Variants in LRRTM4 observed in about 807,000 individuals in gnomAD.
LRRTM4 encodes leucine rich repeat transmembrane neuronal 4, also known as leucine-rich repeat transmembrane neuronal protein 4.
LRRTM4 carries 25 observed loss-of-function variants against 47.6 expected under a neutral mutation model. That is an observed-to-expected ratio of 0.53 (90% CI 0.38 to 0.73). The LOEUF is 0.73. Ranked by LOEUF, LRRTM4 falls within the 30% of genes least tolerant of loss-of-function variation. The pLI, the probability that LRRTM4 is intolerant of heterozygous loss-of-function variation, is 0.00. For missense variants in LRRTM4, 638 were observed against 713.4 expected (o/e 0.89, Z 1.20); for synonymous variants, 311 against 269.5 (o/e 1.15, Z -1.51).
At chr2:77,315,620 C>A (rs1677595815) in intron 3 of LRRTM4, among the ~76,000 whole-genome samples, 1 of 152,160 alleles carries the variant, frequency 6.6e-6, no homozygotes, top group Non-Finnish European at 1.5e-5. Context: ...CTTCCTGACT[C>A]TAGACCCTAA....
intron 3 of LRRTM4, among the ~76,000 whole-genome samples, chr2:76,751,273 T>TCA (rs1672840247): frequency 2.0e-5 from 3 of 152,180 alleles, no homozygotes; most frequent in Admixed American, 6.5e-5. Context: ...ATTAAATCAA[T>TCA]ATGTAATGCT....
intron 3 of LRRTM4, among the ~76,000 whole-genome samples, chr2:77,086,755 A>G (rs1680731009): frequency 6.6e-6 from 1 of 152,146 alleles, no homozygotes; most frequent in African/African-American, 2.4e-5. Context: ...ACAGCCTCCC[A>G]AAGTGCTGAG....
At chr2:77,049,869 A>C (rs1352294572) in intron 3 of LRRTM4, among the ~76,000 whole-genome samples, 2 of 151,978 alleles carry the variant, frequency 1.3e-5, no homozygotes, top group African/African-American at 2.4e-5. Context: ...CTTTGCCCAG[A>C]CCAATGTTCT....
intron 3 of LRRTM4, among the ~76,000 whole-genome samples, chr2:77,140,759 G>A (rs1672097597): frequency 6.6e-6 from 1 of 152,156 alleles, no homozygotes; most frequent in African/African-American, 2.4e-5. Context: ...AATCTGCAAT[G>A]AACTCCAACA....
chr2:77,286,485 T>C (rs12472334), intron 3 of LRRTM4, among the ~76,000 whole-genome samples: 5,229 of 151,964 alleles, frequency 0.034, 184 homozygotes, highest in South Asian at 0.1. Context: ...ATATACTAAA[T>C]GTTAACTAAC....
chr2:77,334,384 T>A (rs778163400), intron 3 of LRRTM4, among the ~76,000 whole-genome samples: 1 of 152,160 alleles, frequency 6.6e-6, no homozygotes, highest in African/African-American at 2.4e-5. Context: ...TTCCCACAAT[T>A]GCCACATTTC....
chr2:76,772,520 C>A (rs921241757), intron 3 of LRRTM4, among the ~76,000 whole-genome samples: 4 of 152,128 alleles, frequency 2.6e-5, no homozygotes, highest in Non-Finnish European at 4.4e-5. Context: ...AAAATCATAA[C>A]CTAGTTGTAA....
At chr2:76,896,846 T>G (rs969178717) in intron 3 of LRRTM4, among the ~76,000 whole-genome samples, 2 of 148,178 alleles carry the variant, frequency 1.3e-5, no homozygotes, top group African/African-American at 5.0e-5. Context: ...TTGGCAATAC[T>G]AGATACATCT....
intron 3 of LRRTM4, among the ~76,000 whole-genome samples, chr2:77,062,627 G>A (rs892297177): frequency 1.3e-5 from 2 of 152,134 alleles, no homozygotes; most frequent in African/African-American, 4.8e-5. Context: ...GAATAGAGGA[G>A]GAGAGGCAGG....
chr2:76,777,227 G>A (rs1023828511), intron 3 of LRRTM4, among the ~76,000 whole-genome samples: 4 of 150,632 alleles, frequency 2.7e-5, no homozygotes, highest in Admixed American at 2.6e-4. Flanking sequence ...GCTTAGGATT[G>A]ACTTGGCCAT....
intron 3 of LRRTM4, among the ~76,000 whole-genome samples, chr2:76,854,814 T>C (rs1672100508): frequency 6.7e-6 from 1 of 148,444 alleles, no homozygotes; most frequent in African/African-American, 2.5e-5. Flanking sequence ...AGAAAATCCT[T>C]TTTTTTTTTT....
chr2:76,958,887 A>G (rs1241431999), intron 3 of LRRTM4, among the ~76,000 whole-genome samples: 2 of 151,774 alleles, frequency 1.3e-5, no homozygotes, highest in East Asian at 2.0e-4. Flanking sequence ...CCACCACCCA[A>G]GTATCTTGCT....
intron 3 of LRRTM4, among the ~76,000 whole-genome samples, chr2:76,863,831 T>C (rs896456475): frequency 6.6e-6 from 1 of 152,178 alleles, no homozygotes; most frequent in Non-Finnish European, 1.5e-5. Flanking sequence ...AAAGTAATCA[T>C]ATCTCATATC....
At chr2:76,820,654 A>G (rs1054276266) in intron 3 of LRRTM4, among the ~76,000 whole-genome samples, 6 of 151,732 alleles carry the variant, frequency 4.0e-5, no homozygotes, top group Non-Finnish European at 5.9e-5. Flanking sequence ...CCTATAGAGA[A>G]TTACTTACAA....
intron 3 of LRRTM4, among the ~76,000 whole-genome samples, chr2:77,234,454 T>TA (rs2103976704): frequency 6.6e-6 from 1 of 152,300 alleles, no homozygotes; most frequent in African/African-American, 2.4e-5. Context: ...TCTACAAGTG[T>TA]AAAAAATGTA....
intron 3 of LRRTM4, among the ~76,000 whole-genome samples, chr2:76,789,267 G>A (rs1324132014): frequency 6.6e-6 from 1 of 152,130 alleles, no homozygotes; most frequent in African/African-American, 2.4e-5. Flanking sequence ...ACAAACAGCA[G>A]GGAGAACACA....
chr2:76,779,631 CT>C (rs1255312075), intron 3 of LRRTM4, among the ~76,000 whole-genome samples: 1 of 151,132 alleles, frequency 6.6e-6, no homozygotes, highest in African/African-American at 2.4e-5. Context: ...TTCCTCCATC[CT>C]TTTATTTTGA....
chr2:76,854,175 T>A (rs1672077303), intron 3 of LRRTM4, among the ~76,000 whole-genome samples: 1 of 152,116 alleles, frequency 6.6e-6, no homozygotes, highest in South Asian at 2.1e-4. Flanking sequence ...AAAGCAGTAG[T>A]GGTAGAACAT....
intron 3 of LRRTM4, among the ~76,000 whole-genome samples, chr2:76,889,830 A>AGAGAGAAAGAGG (rs1258433848): frequency 6.6e-6 from 1 of 151,920 alleles, no homozygotes; most frequent in African/African-American, 2.4e-5. Context: ...AAGAAGAAAG[A>AGAGAGAAAGAGG]GAGAGAAAGA....
Sources: allele counts gnomAD v4.1 joint callset (sites outside exome capture counted in the v4.1 genomes callset), GRCh38; gene constraint gnomAD v4.1.1; transcripts MANE v1.5; gene names NCBI Gene and HGNC (gene_info 2026-07-23, HGNC 2026-07-21).